The following OPCML variants were observed in gnomAD, a reference collection of about 807,000 sequenced individuals.
The protein encoded by OPCML is opioid-binding protein/cell adhesion molecule.
In OPCML, 13 loss-of-function variants were observed where a neutral mutation model predicts 37.8. The observed-to-expected ratio is 0.34, with a 90% CI of 0.22 to 0.55. OPCML has a LOEUF of 0.55. OPCML is among the 20% of genes least tolerant of loss of function. The probability of loss-of-function intolerance (pLI) is 0.91; values close to 1 mark genes in which losing one functional copy is unlikely to be tolerated. For missense variants in OPCML, 341 were observed against 435.6 expected, an observed-to-expected ratio of 0.78 and a Z score of 1.93; for synonymous variants, 176 against 168.8, an observed-to-expected ratio of 1.04 and a Z score of -0.33.
intron 7 of OPCML, among the ~76,000 whole-genome samples, chr11:132,422,493 G>A (rs1463548709): frequency 1.3e-5 from 2 of 152,204 alleles, no homozygotes; most frequent in Admixed American, 6.5e-5. Context: ...GCATTCTCAA[G>A]AGTGGAAATG....
chr11:132,707,435 C>T (rs1432099272), intron 2 of OPCML, among the ~76,000 whole-genome samples: 1 of 152,190 alleles, frequency 6.6e-6, no homozygotes, highest in Non-Finnish European at 1.5e-5. Flanking sequence ...TGCCAGCACT[C>T]TGCTAGGCAC....
intron 1 of OPCML, among the ~76,000 whole-genome samples, chr11:133,254,314 G>A (rs780327643): frequency 4.6e-5 from 7 of 152,154 alleles, no homozygotes; most frequent in Non-Finnish European, 1.0e-4. Context: ...CAGGGCATGA[G>A]TTTCTTCCCT....
chr11:132,921,338 G>A (rs995566613), intron 2 of OPCML, among the ~76,000 whole-genome samples: 7 of 151,328 alleles, frequency 4.6e-5, no homozygotes, highest in African/African-American at 1.5e-4. Flanking sequence ...TTTATTGCAC[G>A]TGTGTTAAAT....
chr11:132,648,652 C>T (rs1045276310), intron 3 of OPCML, among the ~76,000 whole-genome samples: 2 of 151,988 alleles, frequency 1.3e-5, no homozygotes, highest in Non-Finnish European at 2.9e-5. Flanking sequence ...CGGGCGCACG[C>T]CACCATGCCC....
intron 3 of OPCML, among the ~76,000 whole-genome samples, chr11:132,540,884 C>A (rs4604896): frequency 0.094 from 14,279 of 152,222 alleles, 1,528 homozygotes; most frequent in African/African-American, 0.26. Context: ...GCAAAAGAGT[C>A]TTTCTTGTCG....
At chr11:133,226,457 C>G (rs1346962002) in intron 1 of OPCML, among the ~76,000 whole-genome samples, 1 of 152,224 alleles carries the variant, frequency 6.6e-6, no homozygotes, top group Non-Finnish European at 1.5e-5. Flanking sequence ...CTCCTCCCAA[C>G]CTCTTTCTTG....
intron 1 of OPCML, among the ~76,000 whole-genome samples, chr11:133,170,598 A>G (rs1215046025): frequency 6.6e-6 from 1 of 152,250 alleles, no homozygotes; most frequent in Non-Finnish European, 1.5e-5. Flanking sequence ...CTCCAGATTC[A>G]GCAAATAAAA....
chr11:133,323,007 C>T (rs960256086), intron 1 of OPCML, among the ~76,000 whole-genome samples: 3 of 152,178 alleles, frequency 2.0e-5, no homozygotes, highest in Non-Finnish European at 4.4e-5. Context: ...GAAAAGAATG[C>T]TGTTAATATA....
chr11:132,551,839 C>T (rs1383052910), intron 3 of OPCML, among the ~76,000 whole-genome samples: 1 of 152,164 alleles, frequency 6.6e-6, no homozygotes, highest in Non-Finnish European at 1.5e-5. Flanking sequence ...TGGTTTCCTG[C>T]ACAGCCGGCT....
At chr11:133,528,417 G>C (rs920607300) in intron 1 of OPCML, among the ~76,000 whole-genome samples, 1 of 152,194 alleles carries the variant, frequency 6.6e-6, no homozygotes, top group African/African-American at 2.4e-5. Context: ...TTCTTAGTGA[G>C]TCTGGCGCGT....
chr11:132,789,337 T>C (rs187558594), intron 2 of OPCML, among the ~76,000 whole-genome samples: 1 of 152,314 alleles, frequency 6.6e-6, no homozygotes, highest in Non-Finnish European at 1.5e-5. Flanking sequence ...AATGTGAATA[T>C]CTTAACAGAA....
At chr11:133,181,072 T>C (rs1023363326) in intron 1 of OPCML, among the ~76,000 whole-genome samples, 2 of 152,138 alleles carry the variant, frequency 1.3e-5, no homozygotes, top group African/African-American at 4.8e-5. Flanking sequence ...TACTGCAAAA[T>C]TTCATTTGTG....
chr11:132,999,456 A>G (rs927305813), intron 1 of OPCML, among the ~76,000 whole-genome samples: 9 of 152,114 alleles, frequency 5.9e-5, no homozygotes, highest in African/African-American at 2.2e-4. Context: ...CTATTAAAAT[A>G]TAGATAAAGT....
intron 1 of OPCML, among the ~76,000 whole-genome samples, chr11:133,125,330 C>A (rs978147519): frequency 6.6e-6 from 1 of 152,004 alleles, no homozygotes; most frequent in African/African-American, 2.4e-5. Flanking sequence ...TACCAGAACT[C>A]TTTGTAATTC....
chr11:133,362,091 C>T (rs547666683), intron 1 of OPCML: 2 of 152,482 alleles, frequency 1.3e-5, no homozygotes, highest in East Asian at 3.9e-4. Context: ...GCACCCTGAG[C>T]TCAGCTTCTA....
At chr11:133,505,551 C>T (rs1948009111) in intron 1 of OPCML, among the ~76,000 whole-genome samples, 1 of 152,230 alleles carries the variant, frequency 6.6e-6, no homozygotes, top group Admixed American at 6.5e-5. Context: ...CTCCCCCACA[C>T]CATCTTCCAC....
intron 1 of OPCML, among the ~76,000 whole-genome samples, chr11:133,095,141 G>A (rs1048183130): frequency 7.2e-5 from 11 of 151,950 alleles, no homozygotes; most frequent in African/African-American, 2.7e-4. Flanking sequence ...ATTGGTGCCA[G>A]ACAGTATCTC....
At chr11:133,244,142 T>G (rs1177474226) in intron 1 of OPCML, among the ~76,000 whole-genome samples, 2 of 152,126 alleles carry the variant, frequency 1.3e-5, no homozygotes, top group African/African-American at 2.4e-5. Flanking sequence ...CATTAGAGCA[T>G]GGGGGTGAGG....
At chr11:133,099,451 T>C (rs994654205) in intron 1 of OPCML, among the ~76,000 whole-genome samples, 11 of 149,584 alleles carry the variant, frequency 7.4e-5, no homozygotes, top group Admixed American at 4.6e-4. Context: ...TCTTTTTTTT[T>C]TTTTTTTTTG....
Sources: allele counts gnomAD v4.1 joint callset (sites outside exome capture counted in the v4.1 genomes callset), GRCh38; gene constraint gnomAD v4.1.1; transcripts MANE v1.5; gene names NCBI Gene and HGNC (gene_info 2026-07-23, HGNC 2026-07-21).